The following A2ML1 variants were observed in gnomAD, a reference collection of about 807,000 sequenced individuals.
A2ML1 encodes the protein alpha-2-macroglobulin like 1.
A neutral mutation model predicts 181.9 loss-of-function variants in A2ML1; 161 were observed. That is an observed-to-expected ratio of 0.89 (90% CI 0.78 to 1.01). The LOEUF is 1.01. Among genes scored for constraint, A2ML1 ranks in the 50% least tolerant of loss-of-function variants. A2ML1 has a pLI of 0.00. For synonymous variants in A2ML1, 663 were observed against 666.8 expected (o/e 0.99, Z 0.09); for missense variants, 1,670 against 1,768.1 (o/e 0.94, Z 1.00).
At chr12:8,847,390 G>A (rs776497138) in intron 14 of A2ML1, among the ~76,000 whole-genome samples, 159 bp from the exon 15 acceptor site, 1 of 151,932 alleles carries the variant, frequency 6.6e-6, no homozygotes, top group Non-Finnish European at 1.5e-5. Flanking sequence ...CGGCATACAC[G>A]TCCTGAAGAG....
chr12:8,834,295 G>C (rs978452096), intron 4 of A2ML1, among the ~76,000 whole-genome samples: 1 of 152,238 alleles, frequency 6.6e-6, no homozygotes, highest in African/African-American at 2.4e-5. Flanking sequence ...CTACCAAGAA[G>C]AGGTTTAAAC....
At chr12:8,839,900 C>G (rs1943410250) in intron 10 of A2ML1, among the ~76,000 whole-genome samples, 1 of 151,952 alleles carries the variant, frequency 6.6e-6, no homozygotes, top group Non-Finnish European at 1.5e-5. Context: ...GACATGTGTC[C>G]CCATGCCTGG....
chr12:8,829,134 G>A (rs1943026889), intron 3 of A2ML1, among the ~76,000 whole-genome samples: 1 of 152,126 alleles, frequency 6.6e-6, no homozygotes, highest in African/African-American at 2.4e-5. Context: ...TCTGATTTTT[G>A]GTTCTTATGA....
intron 18 of A2ML1, among the ~76,000 whole-genome samples, chr12:8,851,547 A>G (rs1943889284): frequency 6.6e-6 from 1 of 151,968 alleles, no homozygotes; most frequent in African/African-American, 2.4e-5. Flanking sequence ...CTGGGACTAT[A>G]GGCATGCACC....
At chr12:8,874,643 G>T in intron 34 of A2ML1, 116 bp downstream of exon 34, 2 of 772,580 alleles carry the variant, frequency 2.6e-6, no homozygotes, top group Middle Eastern at 4.7e-4. Context: ...CCCAAGCCAA[G>T]TAGCACATAA....
chr12:8,846,195 C>A lies in A2ML1; in HGVS notation c.1656C>A (p.Phe552Leu), dbSNP rs1315321061. 1 of 1,614,120 alleles carries A rather than the reference C, an allele frequency of 6.2e-7. No individual in the cohort carries two copies. The highest frequency in any genetic ancestry group is 1.3e-5 in the African/African-American group (1 of 75,024). ...GTGTTGTAGCTGACAAAATTCAGTT[C>A]TCAGTCGAGATGTGCTTTGACAATC... ...SGGVVADKIQ[F>L]SVEMCFDNQV... Residue 552 changes from phenylalanine (F) to leucine (L), a missense_variant, in exon 14 of 36, where the codon TTC (phenylalanine) becomes TTA (leucine). Transcript: ENST00000299698.
At position 8,834,682 on chromosome 12, in the gene A2ML1, G is replaced by T. The variant is rs773313620; in HGVS notation, c.483G>T (p.Gln161His). 1.9e-6 allele frequency: 3 copies of T among 1,614,186 alleles called. No homozygotes were observed. The highest frequency in any genetic ancestry group is 2.5e-6 in the Non-Finnish European group (3 of 1,180,030). ...TTCAGTACTCCATGGTGGAACTACA[G>T]GTAAGCGGAAGTTTCTTTCTCTTCT... ...VNDKYSMVEL[Q>H]DPNSNRIAQW... The change falls in exon 5 of 36, where the codon CAG becomes CAT. Residue 161 changes from glutamine to histidine, a missense_variant and splice_region_variant. Coordinates refer to ENST00000299698, the MANE Select transcript of A2ML1 (RefSeq NM_144670.6).
At chr12:8,829,415 C>G (rs1043316229) in intron 3 of A2ML1, among the ~76,000 whole-genome samples, 2 of 152,180 alleles carry the variant, frequency 1.3e-5, no homozygotes, top group Middle Eastern at 3.2e-3. Context: ...ATAATCCCAG[C>G]ACTTTGGGAG....
At position 8,864,265 on chromosome 12, in the gene A2ML1, C is replaced by T. The variant is rs61919499; in HGVS notation, c.3717+257C>T. On this transcript the variant is annotated intron_variant, in intron 29 of 35. Coordinates refer to ENST00000299698, the MANE Select transcript of A2ML1 (RefSeq NM_144670.6). Reference sequence around the variant, plus strand: ...TGGTGGCTCATGCCTGTCATCGCAGCACTTTGAGAGGCCGAGGCAGGCGGA... The same window carrying T: ...TGGTGGCTCATGCCTGTCATCGCAGTACTTTGAGAGGCCGAGGCAGGCGGA... 0.93 allele frequency among the ~76,000 whole-genome samples: 102,666 copies of T among 110,276 alleles called. 48,508 individuals are homozygous for T. The highest frequency in any genetic ancestry group is 1 in the South Asian group (2,658 of 2,660). The allele number at this position is 110,276 out of a possible 152,430, so 72.3% of individuals were successfully genotyped here. A position where few individuals can be genotyped will look rare whatever the true frequency, so the allele number is the denominator to read the frequency against.
At chr12:8,865,365 C>A (rs1272221467) in intron 29 of A2ML1, among the ~76,000 whole-genome samples, 1 of 151,938 alleles carries the variant, frequency 6.6e-6, no homozygotes. Context: ...CATGGAGAAA[C>A]CCCATCTCTA....
chr12:8,846,257 T>C, intron 14 of A2ML1, 35 bp downstream of exon 14: 1 of 1,612,170 alleles, frequency 6.2e-7, no homozygotes, highest in South Asian at 1.1e-5. Flanking sequence ...AAGATAAAAG[T>C]TGGGCATAGA....
At chr12:8,853,245 C>T (rs1028036304) in intron 20 of A2ML1, among the ~76,000 whole-genome samples, 1 of 152,168 alleles carries the variant, frequency 6.6e-6, no homozygotes, top group Admixed American at 6.6e-5. Context: ...TCCCGCCTCA[C>T]CCTTCCAAAG....
At chr12:8,843,492 C>T (rs940205453) in intron 12 of A2ML1, 131 bp downstream of exon 12, 2 of 778,642 alleles carry the variant, frequency 2.6e-6, no homozygotes, top group African/African-American at 3.5e-5. Context: ...TTTAAAGCCA[C>T]ACTAAAAAAG....
rs552497055 is a variant in A2ML1, at chr12:8,851,869, A to G, written c.2320A>G (p.Arg774Gly). The change falls in exon 19 of 36, where the codon AGA becomes GGA. Residue 774 changes from arginine to glycine, a missense_variant. Physicochemically the swap from Arg to Gly is moderately radical, Grantham distance 125. Transcript: ENST00000299698. ...KAMSFCTSQS[R>G]GFGLSPTVGL... The stretch of plus-strand genomic sequence containing the variant: ...GATGAGTTTCTGCACTTCCCAGTCA[A>G]GAGGCTTCGGGCTTTCACCCACTGT... 1.2e-4 allele frequency: 197 copies of G among 1,614,206 alleles called. 1 individual carries two copies. In the South Asian group the frequency reaches 1.8e-3, roughly 15 times the overall value.
chr12:8,863,795 AGAATCCATTTACTG>A lies in A2ML1; in HGVS notation c.3507_3520del (p.Ser1170ProfsTer14). 1 of 1,614,154 alleles carries A rather than the reference AGAATCCATTTACTG, an allele frequency of 6.2e-7. No individual in the cohort carries two copies. The highest frequency in any genetic ancestry group is 1.1e-5 in the South Asian group (1 of 91,074). Reference sequence around the variant, plus strand: ...CTAGTTATGTTTCTTTTTCCATAGGAGAATCCATTTACTGGAGCCAGAAACCTACTCCATCATCG... The same window carrying A: ...CTAGTTATGTTTCTTTTTCCATAGGAGAGCCAGAAACCTACTCCATCATCG... On this transcript the variant is annotated frameshift_variant and splice_region_variant, in exon 29 of 36. Transcript: ENST00000299698. LOFTEE classifies it high-confidence loss of function.
intron 12 of A2ML1, among the ~76,000 whole-genome samples, chr12:8,844,583 C>T (rs1181912643): frequency 1.3e-5 from 2 of 152,050 alleles, no homozygotes; most frequent in African/African-American, 4.8e-5. Flanking sequence ...AGAATGGAAA[C>T]CTCAGGTTTG....
intron 7 of A2ML1, among the ~76,000 whole-genome samples, chr12:8,885,457 A>T (rs376488210): frequency 2.1e-4 from 32 of 148,884 alleles, no homozygotes; most frequent in African/African-American, 6.2e-4. Context: ...ATTTTATTTT[A>T]TTTTTTTTAG....
Position 8,847,530 on chromosome 12 carries a change from A to T in A2ML1, c.1684-19A>T, listed in dbSNP as rs751579823. On this transcript the variant is annotated intron_variant, in intron 14 of 35. Coordinates refer to ENST00000299698, the MANE Select transcript of A2ML1 (RefSeq NM_144670.6). ...TCCAGGCTGACCTGATCCCCAAGTTATACCTTTCCCTTCCCCAGGTTTCCC... is the reference window on the plus strand; with the variant it reads ...TCCAGGCTGACCTGATCCCCAAGTTTTACCTTTCCCTTCCCCAGGTTTCCC... The T allele has an allele frequency of 5.0e-6, 8 of 1,599,396 alleles. No homozygotes were observed. The African/African-American group carries it at 9.4e-5, about 19-fold the overall frequency.
intron 21 of A2ML1, 150 bp downstream of exon 21, chr12:8,854,399 A>T (rs1943991251): frequency 7.1e-6 from 9 of 1,266,972 alleles, no homozygotes; most frequent in Non-Finnish European, 9.6e-6. Flanking sequence ...ACATTTGCCT[A>T]ATCCACACCC....
Sources: gnomAD v4.1 joint callset for allele counts (sites outside exome capture counted in the v4.1 genomes callset) on GRCh38, gnomAD v4.1.1 for gene constraint, MANE v1.5 for transcripts, NCBI Gene and HGNC (gene_info 2026-07-23, HGNC 2026-07-21) for gene names.